WIPI2: variants seen among roughly 807,000 people sequenced by gnomAD.
WIPI2 encodes the protein WD repeat domain phosphoinositide-interacting protein 2.
A neutral mutation model predicts 52.3 loss-of-function variants in WIPI2; 28 were observed. That is an observed-to-expected ratio of 0.54 (90% CI 0.40 to 0.73). The LOEUF (loss-of-function observed/expected upper bound fraction) is 0.73, where lower values mean the gene tolerates loss of function less well. WIPI2 is among the 30% of genes least tolerant of loss of function. The probability of loss-of-function intolerance (pLI) is 0.00; values close to 1 mark genes in which losing one functional copy is unlikely to be tolerated. For missense variants in WIPI2, 506 were observed against 602.9 expected (o/e 0.84, Z 1.68); for synonymous variants, 268 against 245.0 (o/e 1.09, Z -0.88).
At position 5,227,424 on chromosome 7, in the gene WIPI2, T is replaced by A; in HGVS notation, c.1013+80T>A. 1 of 1,541,076 alleles carries A rather than the reference T, an allele frequency of 6.5e-7. No homozygotes were observed. Among genetic ancestry groups the A allele is most frequent in the East Asian group, 2.3e-5 (1 of 43,606 alleles). ...CCAGTCCTGGCGGCTTGTGGCCCCT[T>A]CCGTGCTTCTGAACAGGAGCAGCTT... On this transcript the variant is annotated intron_variant, in intron 10 of 12. Transcript: ENST00000288828. This position sits in a 1 kb window ranked among gnomAD's most constrained non-coding sequence, Gnocchi z 8.1.
chr7:5,199,450 C>G, intron 2 of WIPI2, 126 bp from the exon 3 acceptor site: 1 of 727,698 alleles, frequency 1.4e-6, no homozygotes, highest in East Asian at 2.5e-5. Context: ...ATGATTTGCT[C>G]TGTGCTGATT....
At chr7:5,201,603 A>G (rs891760398) in intron 3 of WIPI2, among the ~76,000 whole-genome samples, 1 of 152,192 alleles carries the variant, frequency 6.6e-6, no homozygotes, top group African/African-American at 2.4e-5. Flanking sequence ...AAAATTAGCC[A>G]GGCATGGTGG....
chr7:5,195,471 G>A (rs1781702492), intron 2 of WIPI2, among the ~76,000 whole-genome samples: 1 of 152,230 alleles, frequency 6.6e-6, no homozygotes, highest in Admixed American at 6.5e-5. Context: ...GGGTGGCAGA[G>A]TGAGACCCTG....
Position 5,227,646 on chromosome 7 carries a change from C to T in WIPI2, c.1013+302C>T, listed in dbSNP as rs564758408. Among the ~76,000 whole-genome samples the T allele has an allele frequency of 2.6e-5, 4 of 152,160 alleles. No individual in the cohort carries two copies. The highest frequency in any genetic ancestry group is 2.1e-4 in the South Asian group (1 of 4,826). On this transcript the variant is annotated intron_variant, in intron 10 of 12. Transcript: ENST00000288828. The surrounding 1 kb of genome is among the most constrained non-coding windows in gnomAD (Gnocchi z 8.1). ...GTTAACCCTTTGGGGCCACAGAAAC[C>T]GCACTTGCCGAGTCTCAGGCATCCG...
At position 5,223,032 on chromosome 7, in the gene WIPI2, TC is replaced by T. The variant is rs370601889; in HGVS notation, c.740+362del. The stretch of plus-strand genomic sequence containing the variant: ...TAAAGGCCACGCTCTGAGAACCTGT[TC>T]CAGCTCTCCAGCTCCGCCTCCACCC... On this transcript the variant is annotated intron_variant, in intron 8 of 12. Transcript: ENST00000288828. Among the ~76,000 whole-genome samples the T allele has an allele frequency of 2.3e-4, 35 of 152,302 alleles. No homozygotes were observed. In the East Asian group the frequency reaches 4.8e-3, roughly 21 times the overall value.
chr7:5,217,101 C>T lies in WIPI2; in HGVS notation c.490C>T (p.Leu164=), dbSNP rs752877715. ...TGTGTCATTTGCAGGCCTGTGTGCG[C>T]TGTCAATCAACAACGACAACTGCTA... ...TPPNPAGLCA[L]SINNDNCYLA... The change falls in exon 6 of 13, where the codon CTG becomes TTG. Residue 164 remains leucine, a synonymous_variant. Coordinates refer to ENST00000288828, the MANE Select transcript of WIPI2 (RefSeq NM_015610.4). 2 of 1,613,062 alleles carry T rather than the reference C, an allele frequency of 1.2e-6. No individual in the cohort carries two copies. Among genetic ancestry groups the T allele is most frequent in the African/African-American group, 1.3e-5 (1 of 75,032 alleles).
intron 3 of WIPI2, 169 bp from the exon 4 acceptor site, chr7:5,214,366 C>G (rs757970455): frequency 6.3e-7 from 1 of 1,592,882 alleles, no homozygotes; most frequent in East Asian, 2.2e-5. Flanking sequence ...CGAATCAAGA[C>G]CCTCAGACCC....
chr7:5,210,994 AC>A (rs1350003299), intron 3 of WIPI2, among the ~76,000 whole-genome samples: 1 of 152,166 alleles, frequency 6.6e-6, no homozygotes, highest in East Asian at 1.9e-4. Flanking sequence ...GGGATACTCG[AC>A]GACACTCAGC....
chr7:5,222,781 A>T, intron 8 of WIPI2, 109 bp downstream of exon 8: 1 of 1,100,802 alleles, frequency 9.1e-7, no homozygotes, highest in Non-Finnish European at 1.4e-6. Context: ...CCACACGAGC[A>T]TTTCTAGCCC....
intron 2 of WIPI2, among the ~76,000 whole-genome samples, chr7:5,199,344 A>T (rs2115216308): frequency 6.6e-6 from 1 of 152,344 alleles, no homozygotes; most frequent in South Asian, 2.1e-4. Context: ...ATCCAGCCTC[A>T]GAAAAGTTTT....
chr7:5,209,936 C>G (rs1782472521), intron 3 of WIPI2, among the ~76,000 whole-genome samples: 1 of 151,924 alleles, frequency 6.6e-6, no homozygotes, highest in Non-Finnish European at 1.5e-5. Context: ...TTGGTGGAGT[C>G]TCGTTGTGCT....
rs576498837 is a variant in WIPI2, at chr7:5,228,019, T to G, written c.1014-85T>G. 6.9e-5 allele frequency: 92 copies of G among 1,329,972 alleles called. 3 individuals carry two copies. The South Asian group carries it at 9.5e-4, about 14-fold the overall frequency. 82.4% of individuals were successfully genotyped at this position (1,329,972 alleles called of 1,614,324 possible). ...GCTCATCTTGCTGGGGTCTCTTTCC[T>G]CGCCTGCCAAAAGTGAGGCCGCCAT... On this transcript the variant is annotated intron_variant, in intron 10 of 12. Coordinates refer to ENST00000288828, the MANE Select transcript of WIPI2 (RefSeq NM_015610.4).
At chr7:5,210,941 A>G (rs1256709786) in intron 3 of WIPI2, among the ~76,000 whole-genome samples, 2 of 152,174 alleles carry the variant, frequency 1.3e-5, no homozygotes, top group Admixed American at 6.5e-5. Context: ...CAGCCCACAC[A>G]TGTGCTTTCT....
In WIPI2 at chr7:5,217,949, G is replaced by C; in HGVS notation, c.604G>C (p.Asp202His). Residue 202 changes from aspartate to histidine, a missense_variant, in exon 7 of 13, where the codon GAC becomes CAC. Physicochemically the swap from Asp to His is moderately conservative, Grantham distance 81 (BLOSUM62 -1). Around this residue, in one of 4 missense-constraint regions of WIPI2, gnomAD observed 237 missense variants for 346.9 expected, o/e 0.68. Coordinates refer to ENST00000288828, the MANE Select transcript of WIPI2 (RefSeq NM_015610.4). Reference sequence around the variant, plus strand: ...AGCTGCAAACATGATTCCGGCTCACGACAGTCCTTTAGCGGCACTGGCCTT... The same window carrying C: ...AGCTGCAAACATGATTCCGGCTCACCACAGTCCTTTAGCGGCACTGGCCTT... ...LRAANMIPAHDSPLAALAFDA... is the reference protein window; with the variant it reads ...LRAANMIPAHHSPLAALAFDA... 1 of 1,614,232 alleles carries C rather than the reference G, an allele frequency of 6.2e-7. No homozygotes were observed. Among genetic ancestry groups the C allele is most frequent in the Non-Finnish European group, 8.5e-7 (1 of 1,180,046 alleles).
chr7:5,210,855 T>C lies in WIPI2; in HGVS notation c.212-3680T>C, dbSNP rs565333665. Among the ~76,000 whole-genome samples, 7 of 152,284 alleles carry C rather than the reference T, an allele frequency of 4.6e-5. No individual in the cohort carries two copies. In the South Asian group the frequency reaches 1.2e-3, roughly 27 times the overall value. The stretch of plus-strand genomic sequence containing the variant: ...AAAGACAACCTCGTTTTGTGTGTGC[T>C]TCCCTGCCTCAAGACATGCTGACGT... On this transcript the variant is annotated intron_variant, in intron 3 of 12. Coordinates refer to ENST00000288828, the MANE Select transcript of WIPI2 (RefSeq NM_015610.4).
rs1782915922 is a variant in WIPI2 at position 5,218,087 on chromosome 7, C to T, written c.669+73C>T. 3 of 1,509,760 alleles carry T rather than the reference C, an allele frequency of 2.0e-6. No individual in the cohort carries two copies. The East Asian group carries it at 6.8e-5, about 34-fold the overall frequency. The allele number at this position is 1,509,760 out of a possible 1,614,324, so 93.5% of individuals were successfully genotyped here. The stretch of plus-strand genomic sequence containing the variant: ...GACTTTTTCAGTTCTGTTCACACAG[C>T]CACCTTAGAGGCAAGGTCCTATACT... On this transcript the variant is annotated intron_variant, in intron 7 of 12. Coordinates refer to ENST00000288828, the MANE Select transcript of WIPI2 (RefSeq NM_015610.4).
intron 4 of WIPI2, among the ~76,000 whole-genome samples, chr7:5,215,181 G>T (rs1403677710): frequency 6.6e-6 from 1 of 152,118 alleles, no homozygotes. Flanking sequence ...CATGGTGGCA[G>T]GCACCTGTAA....
chr7:5,228,315 A>G, intron 11 of WIPI2, 104 bp downstream of exon 11: 2 of 1,096,144 alleles, frequency 1.8e-6, no homozygotes, highest in Non-Finnish European at 2.5e-6. Flanking sequence ...AGTGACATAG[A>G]GGGGCAGATT....
chr7:5,228,150 CTGTACATGTACAACCTGGA>C lies in WIPI2; in HGVS notation c.1061_1079del (p.Leu354ProfsTer10). Reference sequence around the variant, plus strand: ...GTTGGTGGGTGCCGCCGACGGGTACCTGTACATGTACAACCTGGACCCCCAGGAGGGCGGCGAGTGTGCC... The same window carrying C: ...GTTGGTGGGTGCCGCCGACGGGTACCCCCCCAGGAGGGCGGCGAGTGTGCC... On this transcript the variant is annotated frameshift_variant, in exon 11 of 13. Transcript: ENST00000288828. LOFTEE classifies it high-confidence loss of function. 1 of 1,613,990 alleles carries C rather than the reference CTGTACATGTACAACCTGGA, an allele frequency of 6.2e-7. No individual in the cohort carries two copies. Among genetic ancestry groups the C allele is most frequent in the Non-Finnish European group, 8.5e-7 (1 of 1,180,024 alleles).
Sources: allele counts gnomAD v4.1 joint callset (sites outside exome capture counted in the v4.1 genomes callset), GRCh38; gene constraint gnomAD v4.1.1; regional missense constraint gnomAD v4.1.1; non-coding constraint Gnocchi (gnomAD v3.1); transcripts MANE v1.5; gene names NCBI Gene and HGNC (gene_info 2026-07-23, HGNC 2026-07-21).